Variants in STIM1 observed in about 807,000 individuals in gnomAD.
The protein encoded by STIM1 is stromal interaction molecule 1.
In STIM1, 25 loss-of-function variants were observed where a neutral mutation model predicts 74.7. That is an observed-to-expected ratio of 0.33 (90% CI 0.24 to 0.47). STIM1 has a LOEUF of 0.47. Ranked by LOEUF, STIM1 falls within the 20% of genes least tolerant of loss-of-function variation. STIM1 has a pLI of 1.00. For synonymous variants in STIM1, 328 were observed against 348.8 expected, an observed-to-expected ratio of 0.94 and a Z score of 0.66; for missense variants, 728 against 920.8, an observed-to-expected ratio of 0.79 and a Z score of 2.71.
intron 2 of STIM1, among the ~76,000 whole-genome samples, chr11:4,001,636 C>A (rs1215417194): frequency 6.6e-6 from 1 of 152,124 alleles, no homozygotes; most frequent in African/African-American, 2.4e-5. Context: ...AAAATCATAC[C>A]AAAATGTAAA....
At chr11:4,007,162 C>A (rs1279083539) in intron 2 of STIM1, among the ~76,000 whole-genome samples, 1 of 152,132 alleles carries the variant, frequency 6.6e-6, no homozygotes, top group Non-Finnish European at 1.5e-5. Context: ...TACTTACTGA[C>A]AGCTGGTAGC....
At chr11:3,950,631 A>G (rs2093134853) in intron 1 of STIM1, among the ~76,000 whole-genome samples, 1 of 151,606 alleles carries the variant, frequency 6.6e-6, no homozygotes, top group African/African-American at 2.4e-5. Context: ...TTTGAATTTT[A>G]TTTTATTTTT....
At position 4,070,105 on chromosome 11, in the gene STIM1, T is replaced by C. The variant is rs1230700060; in HGVS notation, c.693T>C (p.Tyr231=). 6.2e-7 allele frequency: 1 copy of C among 1,614,182 alleles called. No individual in the cohort carries two copies. The highest frequency in any genetic ancestry group is 1.1e-5 in the South Asian group (1 of 91,074). ...VIGVGGCWFA[Y]IQNRYSKEHM... ...GTGTGGGCGGCTGCTGGTTTGCCTA[T>C]ATCCAGAACCGTTACTCCAAGGAGC... Residue 231 remains tyrosine (Y), a synonymous_variant, in exon 6 of 13, where the codon TAT becomes TAC. Transcript: ENST00000526596.
At chr11:3,900,144 G>A (rs1014697662) in intron 1 of STIM1, among the ~76,000 whole-genome samples, 1 of 152,142 alleles carries the variant, frequency 6.6e-6, no homozygotes, top group Non-Finnish European at 1.5e-5. Flanking sequence ...AATGGCAGAC[G>A]ACCCTCCCCC....
At chr11:3,989,748 T>A (rs576846100) in intron 2 of STIM1, among the ~76,000 whole-genome samples, 42 of 152,392 alleles carry the variant, frequency 2.8e-4, no homozygotes, top group Admixed American at 2.5e-3. Context: ...TGTCTATTGC[T>A]GCTTTTACAC....
intron 1 of STIM1, among the ~76,000 whole-genome samples, chr11:3,904,734 G>A (rs933532654): frequency 6.6e-6 from 1 of 150,630 alleles, no homozygotes; most frequent in Non-Finnish European, 1.5e-5. Flanking sequence ...TTAGGTGACT[G>A]GGCATTACTG....
intron 7 of STIM1, among the ~76,000 whole-genome samples, chr11:4,079,577 A>G (rs2094454516): frequency 6.6e-6 from 1 of 152,148 alleles, no homozygotes; most frequent in African/African-American, 2.4e-5. Context: ...CCATCTCAAA[A>G]AAAAAATAAA....
intron 2 of STIM1, among the ~76,000 whole-genome samples, chr11:3,992,089 G>GTT (rs75377604): frequency 1.9e-3 from 177 of 95,388 alleles, no homozygotes; most frequent in South Asian, 0.012. Context: ...CTGTTTTTTT[G>GTT]TTTTTTTTTT....
intron 1 of STIM1, among the ~76,000 whole-genome samples, chr11:3,889,267 T>G (rs1351445909): frequency 1.3e-5 from 2 of 151,780 alleles, no homozygotes; most frequent in East Asian, 3.9e-4. Flanking sequence ...TAAACTATAT[T>G]TTAAAGGAAC....
chr11:4,016,580 C>T (rs1344851528), intron 2 of STIM1, among the ~76,000 whole-genome samples: 1 of 152,224 alleles, frequency 6.6e-6, no homozygotes, highest in East Asian at 1.9e-4. Flanking sequence ...CTGCTCTCTT[C>T]AGAGCTGTCA....
At position 4,086,489 on chromosome 11, in the gene STIM1, A is replaced by G; in HGVS notation, c.1580A>G (p.Gln527Arg). Reference protein sequence around the residue: ...SLWKYPAPSLQSSVRQRLTEP... With the variant: ...SLWKYPAPSLRSSVRQRLTEP... ...ATTCTCCTTGCAGCCCCTAGCCTGC[A>G]GAGCAGTGTTCGGCAGCGCCTGACG... The change falls in exon 12 of 13, where the codon CAG becomes CGG. Residue 527 changes from glutamine (Q) to arginine (R), a missense_variant. By Grantham distance (43) the Gln-to-Arg change is conservative. Around this residue, in one of 5 missense-constraint regions of STIM1, gnomAD observed 352 missense variants for 370.1 expected, o/e 0.95. Coordinates refer to ENST00000526596, the MANE Select transcript of STIM1 (RefSeq NM_001382567.1). 2 of 1,614,150 alleles carry G rather than the reference A, an allele frequency of 1.2e-6. No individual in the cohort carries two copies. The highest frequency in any genetic ancestry group is 1.7e-6 in the Non-Finnish European group (2 of 1,180,024).
chr11:3,902,739 G>T (rs1485728863), intron 1 of STIM1, among the ~76,000 whole-genome samples: 2 of 152,162 alleles, frequency 1.3e-5, no homozygotes, highest in Admixed American at 1.3e-4. Flanking sequence ...AGGAGAAGGT[G>T]GTATCCTGTA....
At chr11:3,856,547 A>G in intron 1 of STIM1, 138 bp downstream of exon 1, 2 of 1,060,150 alleles carry the variant, frequency 1.9e-6, no homozygotes, top group African/African-American at 3.2e-5. Context: ...TGTTCCAAGT[A>G]GTTCAAGAAG....
At chr11:4,002,500 C>T (rs909133036) in intron 2 of STIM1, among the ~76,000 whole-genome samples, 7 of 150,378 alleles carry the variant, frequency 4.7e-5, no homozygotes, top group East Asian at 3.9e-4. Context: ...GGGTACATAA[C>T]GAAATGAAGG....
At position 3,951,193 on chromosome 11, in the gene STIM1, T is replaced by C. The variant is rs78028627; in HGVS notation, c.140-16359T>C. Among the ~76,000 whole-genome samples, 579 of 152,296 alleles carry C rather than the reference T, an allele frequency of 3.8e-3. 3 individuals carry two copies. The highest frequency in any genetic ancestry group is 0.013 in the African/African-American group (544 of 41,572). ...TAGTCTCCTTTCAGGGAGGACACTCTGCTACCCCAGCTGAGAAAGGCATCC... is the reference window on the plus strand; with the variant it reads ...TAGTCTCCTTTCAGGGAGGACACTCCGCTACCCCAGCTGAGAAAGGCATCC... On this transcript the variant is annotated intron_variant, in intron 1 of 12. Transcript: ENST00000526596.
intron 5 of STIM1, among the ~76,000 whole-genome samples, chr11:4,063,446 T>A (rs2094344923): frequency 6.6e-6 from 1 of 152,226 alleles, no homozygotes; most frequent in South Asian, 2.1e-4. Flanking sequence ...CACTTTTGAG[T>A]CTCTGTGTCG....
rs1371903072 is a variant in STIM1 at position 4,059,373 on chromosome 11, C to T, written c.590C>T (p.Thr197Ile). The change falls in exon 5 of 13, where the codon ACA becomes ATA. Residue 197 changes from threonine (T) to isoleucine (I), a missense_variant. Thr to Ile is a moderately conservative substitution (Grantham distance 89, BLOSUM62 -1). This residue lies in a region of STIM1 where 132 missense variants were observed against 158.2 expected (regional missense o/e 0.83). Transcript: ENST00000526596. ...AAGCTGCAGCTGAAGGCTCTGGATA[C>T]AGTGCTCTTTGGGCCTCCTCTCTGT... ...RQKLQLKALD[T>I]VLFGPPLLTR... The T allele has an allele frequency of 6.2e-7, 1 of 1,614,066 alleles. No homozygotes were observed. The highest frequency in any genetic ancestry group is 8.5e-7 in the Non-Finnish European group (1 of 1,179,962).
intron 1 of STIM1, among the ~76,000 whole-genome samples, chr11:3,897,618 C>T (rs1289413087): frequency 5.3e-5 from 8 of 152,028 alleles, no homozygotes; most frequent in Non-Finnish European, 1.2e-4. Context: ...CCCATTAACT[C>T]GTCATTTAGC....
chr11:3,908,134 C>G (rs1364895659), intron 1 of STIM1, among the ~76,000 whole-genome samples: 1 of 152,316 alleles, frequency 6.6e-6, no homozygotes, highest in African/African-American at 2.4e-5. Flanking sequence ...GCTAAATCCT[C>G]AGTGCTAGAA....
Sources: gnomAD v4.1 joint callset for allele counts (sites outside exome capture counted in the v4.1 genomes callset) on GRCh38, gnomAD v4.1.1 for gene constraint, gnomAD v4.1.1 regional missense constraint, MANE v1.5 for transcripts, NCBI Gene and HGNC (gene_info 2026-07-23, HGNC 2026-07-21) for gene names.